The following AFTPH variants were observed in gnomAD, a reference collection of about 807,000 sequenced individuals.
AFTPH encodes the protein aftiphilin.
A neutral mutation model predicts 72.5 loss-of-function variants in AFTPH; 7 were observed. The observed-to-expected ratio is 0.10, with a 90% confidence interval of 0.05 to 0.18. AFTPH has a LOEUF of 0.18. Among genes scored for constraint, AFTPH ranks in the 10% least tolerant of loss-of-function variants. AFTPH has a pLI of 1.00. For synonymous variants in AFTPH, 337 were observed against 370.1 expected (o/e 0.91, Z 1.03); for missense variants, 979 against 1,060.5 (o/e 0.92, Z 1.07).
At chr2:64,560,544 T>G (rs929531680) in intron 2 of AFTPH, among the ~76,000 whole-genome samples, 1 of 152,186 alleles carries the variant, frequency 6.6e-6, no homozygotes, top group African/African-American at 2.4e-5. Flanking sequence ...TCCTGAGCCC[T>G]TTCTCCATAA....
At position 64,575,825 on chromosome 2, in the gene AFTPH, A is replaced by T. The variant is rs746144767; in HGVS notation, c.2394+2757A>T. ...ATGGTTTCAGCTCACTGCAACCTCC[A>T]CCTCCCGGGTTCAAGTGATTCTCCT... On this transcript the variant is annotated intron_variant, in intron 6 of 8. Transcript: ENST00000238856. Among the ~76,000 whole-genome samples the T allele has an allele frequency of 1.7e-3, 252 of 149,264 alleles. 1 individual carries two copies. Among genetic ancestry groups the T allele is most frequent in the Non-Finnish European group, 1.5e-3 (98 of 67,492 alleles).
exon 2 of AFTPH, chr2:64,552,618 T>G (rs200659368): frequency 1.5e-4 from 236 of 1,614,028 alleles, no homozygotes; most frequent in Non-Finnish European, 1.8e-4. Context: ...TGAAGTTGGT[T>G]CTCCCAAAGA....
chr2:64,571,948 G>A (rs576005495), intron 5 of AFTPH, among the ~76,000 whole-genome samples: 1 of 152,238 alleles, frequency 6.6e-6, no homozygotes, highest in African/African-American at 2.4e-5. Context: ...GGGCGTGGTG[G>A]CTCACGCCTG....
chr2:64,576,594 A>G (rs1430727150), intron 6 of AFTPH, among the ~76,000 whole-genome samples: 1 of 152,180 alleles, frequency 6.6e-6, no homozygotes, highest in Non-Finnish European at 1.5e-5. Flanking sequence ...AGTAAGGTCA[A>G]TACTTTACAC....
intron 7 of AFTPH, among the ~76,000 whole-genome samples, chr2:64,581,689 T>C (rs1313802249): frequency 6.6e-6 from 1 of 152,234 alleles, no homozygotes; most frequent in South Asian, 2.1e-4. Flanking sequence ...TTGTAGTGCC[T>C]GTAATAATAT....
intron 1 of AFTPH, among the ~76,000 whole-genome samples, chr2:64,549,888 A>C (rs1183562164): frequency 6.6e-5 from 10 of 152,234 alleles, no homozygotes; most frequent in Non-Finnish European, 1.3e-4. Context: ...AAGAAAATAA[A>C]AGTGAATATT....
chr2:64,538,895 C>T (rs1282719884), intron 1 of AFTPH, among the ~76,000 whole-genome samples: 1 of 152,154 alleles, frequency 6.6e-6, no homozygotes, highest in Non-Finnish European at 1.5e-5. Flanking sequence ...GAGTTGCTCT[C>T]ATGGTGGGTG....
At chr2:64,572,149 G>A (rs1338974838) in intron 5 of AFTPH, among the ~76,000 whole-genome samples, 1 of 151,138 alleles carries the variant, frequency 6.6e-6, no homozygotes, top group Non-Finnish European at 1.5e-5. Context: ...GAACCTGGTG[G>A]GTAGAGGTTG....
At chr2:64,585,289 A>G in intron 7 of AFTPH, 133 bp from the exon 9 acceptor site, 1 of 1,045,934 alleles carries the variant, frequency 9.6e-7, no homozygotes, top group South Asian at 1.4e-5. Flanking sequence ...GCAGTATTGC[A>G]GTGTTCTAAA....
At chr2:64,561,173 T>C (rs1275145180) in intron 2 of AFTPH, among the ~76,000 whole-genome samples, 1 of 152,258 alleles carries the variant, frequency 6.6e-6, no homozygotes, top group Non-Finnish European at 1.5e-5. Flanking sequence ...TTTTTAATCC[T>C]ACATTTATCA....
At position 64,591,994 on chromosome 2, in the gene AFTPH, T is replaced by C. The variant is rs1673855488; in HGVS notation, c.2689T>C (p.Leu897=). Residue 897 remains leucine, a synonymous_variant, in exon 9 of 9, where the codon TTA becomes CTA. Transcript: ENST00000238856. ...CAAGGTGTTGATGTTCCCAGCCACGTTAACACCTTCCACAAGCTCTCAAGA... is the reference window on the plus strand; with the variant it reads ...CAAGGTGTTGATGTTCCCAGCCACGCTAACACCTTCCACAAGCTCTCAAGA... 4.3e-6 allele frequency: 7 copies of C among 1,613,970 alleles called. No individual in the cohort carries two copies. The South Asian group carries it at 6.6e-5, about 15-fold the overall frequency.
chr2:64,536,007 A>T (rs963553735), intron 1 of AFTPH, among the ~76,000 whole-genome samples: 1 of 152,176 alleles, frequency 6.6e-6, no homozygotes, highest in African/African-American at 2.4e-5. Context: ...TTTGTGGTAG[A>T]GGGGGAGCGG....
intron 1 of AFTPH, among the ~76,000 whole-genome samples, chr2:64,527,314 C>T (rs1010467219): frequency 1.4e-4 from 22 of 152,266 alleles, no homozygotes; most frequent in African/African-American, 5.3e-4. Context: ...GGCATGGTGG[C>T]TCACACCTGT....
At chr2:64,579,242 GTAAAGA>G (rs1327007067) in intron 6 of AFTPH, among the ~76,000 whole-genome samples, 4 of 152,136 alleles carry the variant, frequency 2.6e-5, no homozygotes, top group Non-Finnish European at 5.9e-5. Context: ...GTTTAAAAAT[GTAAAGA>G]TAATTTCATT....
intron 1 of AFTPH, among the ~76,000 whole-genome samples, chr2:64,543,304 T>A (rs145784041): frequency 6.6e-6 from 1 of 152,346 alleles, no homozygotes; most frequent in East Asian, 1.9e-4. Context: ...GTTTTGCACA[T>A]ATCTTCTCCC....
chr2:64,533,996 T>A (rs6736572), intron 1 of AFTPH, among the ~76,000 whole-genome samples: 61,053 of 152,016 alleles, frequency 0.4, 12,383 homozygotes, highest in African/African-American at 0.47. Flanking sequence ...TAATATTTTC[T>A]TACATTTTAG....
chr2:64,532,317 T>C (rs532253715), intron 1 of AFTPH, among the ~76,000 whole-genome samples: 14 of 152,226 alleles, frequency 9.2e-5, no homozygotes, highest in Admixed American at 9.2e-4. Context: ...AGAGGAATGG[T>C]TTAAAGTCTT....
chr2:64,565,085 C>T (rs1285628455), intron 2 of AFTPH, among the ~76,000 whole-genome samples: 7 of 151,966 alleles, frequency 4.6e-5, no homozygotes, highest in East Asian at 3.9e-4. Context: ...GCAATCCACC[C>T]GCCTCGGCTT....
intron 1 of AFTPH, among the ~76,000 whole-genome samples, chr2:64,545,768 G>A (rs1670571330): frequency 6.6e-6 from 1 of 152,018 alleles, no homozygotes; most frequent in Non-Finnish European, 1.5e-5. Flanking sequence ...AAGGGGACAG[G>A]GATGGAGGTG....
Sources: allele counts gnomAD v4.1 joint callset (sites outside exome capture counted in the v4.1 genomes callset), GRCh38; gene constraint gnomAD v4.1.1; transcripts MANE v1.5; gene names NCBI Gene and HGNC (gene_info 2026-07-23, HGNC 2026-07-21).